Variants in CFAP210 observed in about 807,000 individuals in gnomAD.
CFAP210 encodes cilia- and flagella- associated protein 210.
chr2:169,685,088 T>C, the CFAP210 span, among the ~76,000 whole-genome samples: 1 of 152,276 alleles, frequency 6.6e-6, no homozygotes, highest in Non-Finnish European at 1.5e-5. Flanking sequence ...TTATGAACAT[T>C]CACAGGTTTC....
chr2:169,682,282 T>TA, the CFAP210 span, among the ~76,000 whole-genome samples: 1 of 152,166 alleles, frequency 6.6e-6, no homozygotes, highest in Non-Finnish European at 1.5e-5. Context: ...TAGAGAGCCA[T>TA]AGTCATCCTT....
chr2:169,663,926 C>T, the CFAP210 span, among the ~76,000 whole-genome samples: 256 of 151,800 alleles, frequency 1.7e-3, 5 homozygotes, highest in Non-Finnish European at 1.0e-3. Context: ...CAGTGGCTCA[C>T]GCCTGTAATC....
the CFAP210 span, among the ~76,000 whole-genome samples, chr2:169,669,247 C>A: frequency 6.6e-6 from 1 of 151,708 alleles, no homozygotes; most frequent in Non-Finnish European, 1.5e-5. Context: ...TGTTCGAGGC[C>A]CTGGAAGATC....
the CFAP210 span, among the ~76,000 whole-genome samples, chr2:169,692,136 C>T: frequency 6.6e-6 from 1 of 152,132 alleles, no homozygotes; most frequent in African/African-American, 2.4e-5. Context: ...TCTAGATTCC[C>T]AGGAATATGT....
chr2:169,665,286 T>C, the CFAP210 span, among the ~76,000 whole-genome samples: 1 of 137,536 alleles, frequency 7.3e-6, no homozygotes, highest in East Asian at 2.0e-4. Flanking sequence ...CATTCTTTCA[T>C]TTTTAAAAAC....
the CFAP210 span, among the ~76,000 whole-genome samples, chr2:169,667,258 C>T: frequency 2.0e-5 from 3 of 151,868 alleles, no homozygotes; most frequent in African/African-American, 7.3e-5. Context: ...CCTGCCTCAG[C>T]CTCCTGAGTA....
the CFAP210 span, chr2:169,649,124 T>G: frequency 1.4e-6 from 2 of 1,425,052 alleles, no homozygotes; most frequent in Non-Finnish European, 1.9e-6. Flanking sequence ...AAAACTAGCA[T>G]GAATTCTGTA....
At chr2:169,680,894 T>A in the CFAP210 span, 1 of 788,434 alleles carries the variant, frequency 1.3e-6, no homozygotes, top group South Asian at 1.7e-5. Flanking sequence ...TATGTTTCGA[T>A]GCATTTTTAT....
At chr2:169,693,314 G>T in the CFAP210 span, among the ~76,000 whole-genome samples, 1 of 152,204 alleles carries the variant, frequency 6.6e-6, no homozygotes, top group African/African-American at 2.4e-5. Flanking sequence ...TCTAAACCAG[G>T]TAGTGCAGAA....
the CFAP210 span, chr2:169,650,508 G>A: frequency 8.9e-5 from 140 of 1,567,696 alleles, no homozygotes; most frequent in African/African-American, 2.2e-4. Context: ...CTTTCTCTTC[G>A]TTTCTCCATA....
the CFAP210 span, chr2:169,674,425 G>T: frequency 1.6e-6 from 1 of 612,332 alleles, no homozygotes; most frequent in Non-Finnish European, 2.7e-6. Context: ...ACAATCTCTG[G>T]GTAAGAAAGT....
At chr2:169,645,885 A>C in the CFAP210 span, 1 of 1,613,410 alleles carries the variant, frequency 6.2e-7, no homozygotes, top group Non-Finnish European at 8.5e-7. Context: ...TGAAAATTAT[A>C]TTTTGGTCCC....
At chr2:169,650,649 T>C in the CFAP210 span, 6 of 1,146,050 alleles carry the variant, frequency 5.2e-6, no homozygotes, top group Non-Finnish European at 6.8e-6. Flanking sequence ...CCATTGCTCC[T>C]TACATATATT....
chr2:169,668,893 G>C, the CFAP210 span, among the ~76,000 whole-genome samples: 1 of 152,142 alleles, frequency 6.6e-6, no homozygotes, highest in African/African-American at 2.4e-5. Flanking sequence ...GAGACATAAA[G>C]TGACATGCTG....
chr2:169,689,134 C>T, the CFAP210 span, among the ~76,000 whole-genome samples: 7 of 152,154 alleles, frequency 4.6e-5, no homozygotes, highest in Non-Finnish European at 8.8e-5. Context: ...AAGAATAGCA[C>T]GGGAAAGACT....
the CFAP210 span, chr2:169,681,456 T>C: frequency 1.9e-6 from 1 of 532,114 alleles, no homozygotes; most frequent in African/African-American, 1.9e-5. Flanking sequence ...CCTTACTGTG[T>C]AAACTTGGGC....
At chr2:169,651,226 G>GAA in the CFAP210 span, among the ~76,000 whole-genome samples, 2,789 of 102,022 alleles carry the variant, frequency 0.027, 295 homozygotes, top group African/African-American at 0.11. Context: ...GACTCTGTCT[G>GAA]AAAAAAAAAA....
the CFAP210 span, chr2:169,681,308 T>C: frequency 9.3e-7 from 1 of 1,075,696 alleles, no homozygotes; most frequent in South Asian, 1.4e-5. Flanking sequence ...GAAGTTCCGA[T>C]ATTGGCATGA....
the CFAP210 span, chr2:169,661,412 C>A: frequency 2.7e-6 from 1 of 367,116 alleles, no homozygotes; most frequent in South Asian, 2.2e-5. Context: ...AACCTCCAAG[C>A]ACTCTCAGCC....
Sources: allele counts gnomAD v4.1 joint callset (sites outside exome capture counted in the v4.1 genomes callset), GRCh38; gene constraint gnomAD v4.1.1; transcripts MANE v1.5; gene names NCBI Gene and HGNC (gene_info 2026-07-23, HGNC 2026-07-21).